ABCC5: variants seen among roughly 807,000 people sequenced by gnomAD.
ABCC5 encodes the protein ATP-binding cassette sub-family C member 5.
A neutral mutation model predicts 160.9 loss-of-function variants in ABCC5; 61 were observed. That is an observed-to-expected ratio of 0.38 (90% CI 0.31 to 0.47). The LOEUF is 0.47. ABCC5 is among the 20% of genes least tolerant of loss of function. ABCC5 has a pLI of 0.99. For synonymous variants in ABCC5, 666 were observed against 700.6 expected (o/e 0.95, Z 0.78); for missense variants, 1,308 against 1,813.3 (o/e 0.72, Z 5.06).
At chr3:183,922,197 C>T (rs1487979412) in intron 29 of ABCC5, among the ~76,000 whole-genome samples, 2 of 151,870 alleles carry the variant, frequency 1.3e-5, no homozygotes, top group Admixed American at 1.3e-4. Context: ...CATGGTGAAA[C>T]CCTGTCTCTA....
intron 2 of ABCC5, among the ~76,000 whole-genome samples, chr3:184,004,916 A>G (rs1721057035): frequency 6.6e-6 from 1 of 152,220 alleles, no homozygotes; most frequent in Non-Finnish European, 1.5e-5. Flanking sequence ...TATAGATTTC[A>G]TAATAACATA....
At position 183,981,721 on chromosome 3, in the gene ABCC5, A is replaced by G; in HGVS notation, c.1147+6T>C. The G allele has an allele frequency of 6.2e-7, 1 of 1,608,798 alleles. No homozygotes were observed. Among genetic ancestry groups the G allele is most frequent in the Non-Finnish European group, 8.5e-7 (1 of 1,178,778 alleles). ...CCACATGCACATACAAAATCTTTAA[A>G]CTCACTTTGAACACTCTGAGAAAAT... On this transcript the variant is annotated splice_donor_region_variant and intron_variant, in intron 8 of 29. Transcript: ENST00000334444.
At chr3:184,012,850 G>C (rs1338328093) in intron 2 of ABCC5, among the ~76,000 whole-genome samples, 1 of 152,128 alleles carries the variant, frequency 6.6e-6, no homozygotes, top group Non-Finnish European at 1.5e-5. Context: ...GTACAGAAAA[G>C]ACTCATTAGC....
At chr3:183,961,766 A>T in intron 15 of ABCC5, 112 bp from the exon 16 acceptor site, 1 of 1,323,372 alleles carries the variant, frequency 7.6e-7, no homozygotes, top group Non-Finnish European at 1.0e-6. Flanking sequence ...CCCAGAAGAC[A>T]TTTGGCAGCA....
rs543096925 is a variant in ABCC5, at chr3:183,988,412, G to A, written c.443+160C>T. Among the ~76,000 whole-genome samples, 2 of 152,220 alleles carry A rather than the reference G, an allele frequency of 1.3e-5. No individual in the cohort carries two copies. Among genetic ancestry groups the A allele is most frequent in the Admixed American group, 1.3e-4 (2 of 15,282 alleles). Reference sequence around the variant, plus strand: ...TAAAACAGGATCAAAGGTGAAATAGGAGATAAAGCAAAAGAGCAAAGAGAA... The same window carrying A: ...TAAAACAGGATCAAAGGTGAAATAGAAGATAAAGCAAAAGAGCAAAGAGAA... On this transcript the variant is annotated intron_variant, in intron 4 of 29. Transcript: ENST00000334444. This position sits in a 1 kb window ranked among gnomAD's most constrained non-coding sequence, Gnocchi z 4.4.
intron 17 of ABCC5, among the ~76,000 whole-genome samples, chr3:183,958,398 G>C (rs1016655308): frequency 6.6e-6 from 1 of 152,220 alleles, no homozygotes; most frequent in Non-Finnish European, 1.5e-5. Context: ...AGCCAGGTTA[G>C]TGACTATGTA....
intron 2 of ABCC5, among the ~76,000 whole-genome samples, chr3:184,008,264 C>G (rs1176613598): frequency 6.6e-6 from 1 of 152,118 alleles, no homozygotes; most frequent in Non-Finnish European, 1.5e-5. Flanking sequence ...TGAATAAACA[C>G]TGACTGCATC....
intron 11 of ABCC5, among the ~76,000 whole-genome samples, chr3:183,970,166 G>A (rs914470201): frequency 3.3e-5 from 5 of 152,114 alleles, no homozygotes; most frequent in African/African-American, 1.2e-4. Flanking sequence ...CAGAGGCTCT[G>A]GCAGGCACCA....
intron 2 of ABCC5, among the ~76,000 whole-genome samples, chr3:184,007,016 C>CTTTTTTTTTTTT (rs376229755): frequency 1.2e-5 from 1 of 81,138 alleles, no homozygotes; most frequent in Non-Finnish European, 2.2e-5. Flanking sequence ...TTTACTTCTG[C>CTTTTTTTTTTTT]TTTTTTTTTT....
intron 10 of ABCC5, among the ~76,000 whole-genome samples, chr3:183,972,218 A>C (rs1460594872): frequency 6.6e-6 from 1 of 152,164 alleles, no homozygotes; most frequent in Non-Finnish European, 1.5e-5. Context: ...ATGACATTTA[A>C]CTGACTGGCA....
intron 16 of ABCC5, among the ~76,000 whole-genome samples, chr3:183,960,122 T>A (rs1716587347): frequency 6.6e-6 from 1 of 152,208 alleles, no homozygotes; most frequent in Non-Finnish European, 1.5e-5. Flanking sequence ...GTATTAGGCA[T>A]GGGGTCATTT....
chr3:183,969,885 G>T (rs902926071), intron 11 of ABCC5, among the ~76,000 whole-genome samples: 1 of 152,106 alleles, frequency 6.6e-6, no homozygotes, highest in East Asian at 1.9e-4. Context: ...GTCAGTTGCT[G>T]ATTTTCATAT....
intron 17 of ABCC5, among the ~76,000 whole-genome samples, chr3:183,957,746 G>A (rs55929960): frequency 0.023 from 2,427 of 104,800 alleles, 1 homozygote; most frequent in East Asian, 0.07. Flanking sequence ...GGTTACATGC[G>A]GATCCGTGTG....
At chr3:183,984,301 A>T (rs3749440) in intron 5 of ABCC5, 1 of 985,284 alleles carries the variant, frequency 1.0e-6, no homozygotes, top group African/African-American at 1.8e-5. Flanking sequence ...AAAACAAAAA[A>T]CCACAACAAA....
intron 28 of ABCC5, among the ~76,000 whole-genome samples, chr3:183,926,485 G>A (rs1712576437): frequency 6.6e-6 from 1 of 151,564 alleles, no homozygotes; most frequent in Middle Eastern, 3.2e-3. Context: ...AGGAGGTGGA[G>A]GTTGCAGTGA....
intron 26 of ABCC5, among the ~76,000 whole-genome samples, chr3:183,934,139 C>A (rs887015123): frequency 3.9e-5 from 6 of 152,172 alleles, no homozygotes; most frequent in African/African-American, 1.2e-4. Context: ...AACCCCGTCT[C>A]TACTAAAAAT....
Position 183,949,953 on chromosome 3 carries a change from A to C in ABCC5, c.3098+19T>G. The C allele has an allele frequency of 6.2e-7, 1 of 1,614,144 alleles. No individual in the cohort carries two copies. The highest frequency in any genetic ancestry group is 8.5e-7 in the Non-Finnish European group (1 of 1,180,010). ...AGGCTTCTCCGTGGCCCCAGCAGAC[A>C]TGAACGCTTCCTATTTACCTGGAGA... On this transcript the variant is annotated intron_variant, in intron 21 of 29. Coordinates refer to ENST00000334444, the MANE Select transcript of ABCC5 (RefSeq NM_005688.4). The surrounding 1 kb of genome is among the most constrained non-coding windows in gnomAD (Gnocchi z 4.2).
chr3:183,928,929 C>T, intron 26 of ABCC5, 104 bp from the exon 27 acceptor site: 2 of 877,268 alleles, frequency 2.3e-6, no homozygotes, highest in South Asian at 1.5e-5. Context: ...GGAGAGAAGA[C>T]TCCAAACCCT....
At position 183,946,251 on chromosome 3, in the gene ABCC5, T is replaced by C. The variant is rs193244629; in HGVS notation, c.3415-312A>G. 3.1e-3 allele frequency among the ~76,000 whole-genome samples: 467 copies of C among 152,368 alleles called. 2 individuals carry two copies. Among genetic ancestry groups the C allele is most frequent in the African/African-American group, 0.011 (439 of 41,578 alleles). ...CACTTCTGGACTTCCTACTTGTATC[T>C]GAGCCTGTTTGTGGGAGTCACAACA... is the stretch of plus-strand genomic sequence containing the variant. On this transcript the variant is annotated intron_variant, in intron 23 of 29. Coordinates refer to ENST00000334444, the MANE Select transcript of ABCC5 (RefSeq NM_005688.4).
Sources: allele counts gnomAD v4.1 joint callset (sites outside exome capture counted in the v4.1 genomes callset), GRCh38; gene constraint gnomAD v4.1.1; non-coding constraint Gnocchi (gnomAD v3.1); transcripts MANE v1.5; gene names NCBI Gene and HGNC (gene_info 2026-07-23, HGNC 2026-07-21).